Variants in CTNNA2 observed in about 807,000 individuals in gnomAD.
CTNNA2 encodes catenin alpha 2.
Under a neutral mutation model 101.0 loss-of-function variants are expected in CTNNA2, and 42 were observed. The ratio of observed to expected loss-of-function variants is 0.42; its 90% CI spans 0.32 to 0.54. The LOEUF is 0.54. Among genes scored for constraint, CTNNA2 ranks in the 20% least tolerant of loss-of-function variants. The pLI, the probability that CTNNA2 is intolerant of heterozygous loss-of-function variation, is 0.14. For missense variants in CTNNA2, 871 were observed against 1,223.1 expected, an observed-to-expected ratio of 0.71 and a Z score of 4.29; for synonymous variants, 450 against 456.4, an observed-to-expected ratio of 0.99 and a Z score of 0.18.
intron 3 of CTNNA2, among the ~76,000 whole-genome samples, chr2:79,803,978 T>C (rs954169022): frequency 2.0e-5 from 3 of 152,236 alleles, no homozygotes; most frequent in Non-Finnish European, 2.9e-5. Flanking sequence ...TAAAGGTCAC[T>C]AGACTCTTGA....
In CTNNA2 at chr2:79,378,557, C is replaced by G. The variant is rs573055284; in HGVS notation, c.-135+4544C>G. Among the ~76,000 whole-genome samples the G allele has an allele frequency of 2.0e-5, 3 of 152,182 alleles. No homozygotes were observed. The East Asian group carries it at 5.8e-4, about 29-fold the overall frequency. The stretch of plus-strand genomic sequence containing the variant: ...AACAACATGGAAAATACCAAATTAT[C>G]CTTCAAATGTCATTTGTCGAGGAGA... On this transcript the variant is annotated intron_variant, in intron 4 of 21. Transcript: ENST00000466387.
chr2:79,284,604 T>C (rs1473846882), intron 2 of CTNNA2, among the ~76,000 whole-genome samples: 3 of 149,572 alleles, frequency 2.0e-5, no homozygotes, highest in African/African-American at 7.3e-5. Flanking sequence ...ATCCCAGGGA[T>C]GAAGCCCACT....
chr2:79,400,418 GC>G (rs1383132986), intron 4 of CTNNA2, among the ~76,000 whole-genome samples: 2 of 151,888 alleles, frequency 1.3e-5, no homozygotes, highest in African/African-American at 4.8e-5. Flanking sequence ...TCCTCTCATA[GC>G]TGCTATATAG....
intron 1 of CTNNA2, among the ~76,000 whole-genome samples, chr2:79,526,326 T>C (rs1672403528): frequency 6.6e-6 from 1 of 152,010 alleles, no homozygotes; most frequent in Non-Finnish European, 1.5e-5. Context: ...CAAAATATCA[T>C]GAAAAGAATT....
intron 6 of CTNNA2, among the ~76,000 whole-genome samples, chr2:79,896,470 A>C (rs762696668): frequency 6.6e-6 from 1 of 152,196 alleles, no homozygotes; most frequent in Non-Finnish European, 1.5e-5. Context: ...GTAGTGACCT[A>C]TTTTGCTCCA....
Position 80,108,200 on chromosome 2 carries a change from G to C in CTNNA2, c.1056+198403G>C, listed in dbSNP as rs1701006243. ...ATATCAAATAAGAGGAGCCCAGAGG[G>C]GAGCAGCCTTGGGTAGCCTAGGCTT... On this transcript the variant is annotated intron_variant, in intron 7 of 18. Coordinates refer to ENST00000402739, the MANE Select transcript of CTNNA2 (RefSeq NM_001282597.3). 2.6e-5 allele frequency among the ~76,000 whole-genome samples: 4 copies of C among 152,158 alleles called. No homozygotes were observed. In the South Asian group the frequency reaches 8.3e-4, roughly 31 times the overall value.
In CTNNA2 at chr2:80,171,472, AG is replaced by A. The variant is rs528781149; in HGVS notation, c.1057-221736del. Among the ~76,000 whole-genome samples the A allele has an allele frequency of 1.2e-4, 19 of 152,342 alleles. No individual in the cohort carries two copies. The South Asian group carries it at 3.9e-3, about 32-fold the overall frequency. On this transcript the variant is annotated intron_variant, in intron 7 of 18. Coordinates refer to ENST00000402739, the MANE Select transcript of CTNNA2 (RefSeq NM_001282597.3). The stretch of plus-strand genomic sequence containing the variant: ...ACAGTTTCTTAGACAGTGATTTCTT[AG>A]GGTATCTGTTAAGATACTGTAACAA...
In CTNNA2 at chr2:79,610,987, A is replaced by G. The variant is rs538739498; in HGVS notation, c.-5-40565A>G. Among the ~76,000 whole-genome samples the G allele has an allele frequency of 2.0e-5, 3 of 152,268 alleles. No individual in the cohort carries two copies. The East Asian group carries it at 5.8e-4, about 29-fold the overall frequency. On this transcript the variant is annotated intron_variant, in intron 1 of 18. Transcript: ENST00000402739. The stretch of plus-strand genomic sequence containing the variant: ...GTATCCAACACTGATAAATCTCAAA[A>G]CCGTAATCATTACTGCAAATGGATA...
chr2:80,302,291 CACGAGCCAT>C lies in CTNNA2; in HGVS notation c.1057-90917_1057-90909del, dbSNP rs1485736792. 4 of 1,613,882 alleles carry C rather than the reference CACGAGCCAT, an allele frequency of 2.5e-6. No individual in the cohort carries two copies. The highest frequency in any genetic ancestry group is 3.4e-6 in the Non-Finnish European group (4 of 1,179,984). ...CCTCGCGGGCTGCTGGTGGCAGGTA[CACGAGCCAT>C]ACTCGTTGATGATCACCAGGGCTCC... On this transcript the variant is annotated intron_variant, in intron 7 of 18. Transcript: ENST00000402739. This position sits in a 1 kb window ranked among gnomAD's most constrained non-coding sequence, Gnocchi z 6.4.
At chr2:79,610,004 A>G (rs755850916) in intron 1 of CTNNA2, among the ~76,000 whole-genome samples, 2 of 152,140 alleles carry the variant, frequency 1.3e-5, no homozygotes, top group African/African-American at 4.8e-5. Context: ...ATAGACTGGA[A>G]GAACATCTTT....
At chr2:79,558,493 C>T (rs1221950053) in intron 1 of CTNNA2, among the ~76,000 whole-genome samples, 1 of 151,842 alleles carries the variant, frequency 6.6e-6, no homozygotes, top group Middle Eastern at 3.2e-3. Context: ...CATTATGAAT[C>T]CTTCCCTAAA....
intron 2 of CTNNA2, among the ~76,000 whole-genome samples, chr2:79,735,328 C>A (rs1269459479): frequency 6.6e-6 from 1 of 152,120 alleles, no homozygotes; most frequent in African/African-American, 2.4e-5. Flanking sequence ...TGTACTTTGT[C>A]TTGGCTCGTA....
intron 3 of CTNNA2, among the ~76,000 whole-genome samples, chr2:79,370,965 G>A (rs1406796790): frequency 1.3e-5 from 2 of 152,052 alleles, no homozygotes; most frequent in Non-Finnish European, 2.9e-5. Flanking sequence ...TGGATGAATG[G>A]CTCATTTAGG....
chr2:79,892,734 C>T (rs777044442), intron 6 of CTNNA2, among the ~76,000 whole-genome samples: 15 of 152,076 alleles, frequency 9.9e-5, no homozygotes, highest in Non-Finnish European at 1.8e-4. Context: ...TTCTCATAGG[C>T]CCATAAAACT....
At chr2:79,943,306 A>G (rs1688286074) in intron 7 of CTNNA2, among the ~76,000 whole-genome samples, 1 of 152,132 alleles carries the variant, frequency 6.6e-6, no homozygotes, top group Non-Finnish European at 1.5e-5. Flanking sequence ...TAGCAAACTC[A>G]CCCCAGAAGA....
At chr2:80,083,655 G>A (rs2148808653) in intron 7 of CTNNA2, among the ~76,000 whole-genome samples, 1 of 152,270 alleles carries the variant, frequency 6.6e-6, no homozygotes, top group South Asian at 2.1e-4. Flanking sequence ...CTTTGTCAGA[G>A]TCACCAGCCT....
chr2:79,788,634 T>C (rs1675032925), intron 3 of CTNNA2, among the ~76,000 whole-genome samples: 1 of 152,202 alleles, frequency 6.6e-6, no homozygotes, highest in South Asian at 2.1e-4. Context: ...CATGCATACA[T>C]GTCCACATGC....
intron 16 of CTNNA2, among the ~76,000 whole-genome samples, chr2:80,607,934 G>A (rs1698159914): frequency 1.3e-5 from 2 of 151,946 alleles, no homozygotes; most frequent in East Asian, 2.0e-4. Context: ...TCATAAACAT[G>A]TATAGAAGTC....
intron 3 of CTNNA2, among the ~76,000 whole-genome samples, chr2:79,336,611 T>C (rs1395629901): frequency 6.6e-6 from 1 of 152,156 alleles, no homozygotes; most frequent in African/African-American, 2.4e-5. Flanking sequence ...ATCCCTATTA[T>C]AGTACATTTG....
Sources: gnomAD v4.1 joint callset for allele counts (sites outside exome capture counted in the v4.1 genomes callset) on GRCh38, gnomAD v4.1.1 for gene constraint, Gnocchi (gnomAD v3.1) non-coding constraint, MANE v1.5 for transcripts, NCBI Gene and HGNC (gene_info 2026-07-23, HGNC 2026-07-21) for gene names.